The following CADPS variants were observed in gnomAD, a reference collection of about 807,000 sequenced individuals.
CADPS encodes the protein calcium-dependent secretion activator 1.
CADPS carries 57 observed loss-of-function variants against 167.3 expected under a neutral mutation model. The observed-to-expected ratio is 0.34, with a 90% CI of 0.28 to 0.42. The LOEUF (loss-of-function observed/expected upper bound fraction) is 0.42, where lower values mean the gene tolerates loss of function less well. Ranked by LOEUF, CADPS falls within the 20% of genes least tolerant of loss-of-function variation. CADPS has a pLI of 1.00. For synonymous variants in CADPS, 676 were observed against 635.3 expected, an observed-to-expected ratio of 1.06 and a Z score of -0.96; for missense variants, 1,414 against 1,738.1, an observed-to-expected ratio of 0.81 and a Z score of 3.32.
At chr3:62,582,303 G>T (rs2083581538) in intron 8 of CADPS, among the ~76,000 whole-genome samples, 1 of 152,140 alleles carries the variant, frequency 6.6e-6, no homozygotes, top group African/African-American at 2.4e-5. Context: ...AAAATTAGCT[G>T]GGTGTGGTGG....
intron 3 of CADPS, among the ~76,000 whole-genome samples, chr3:62,749,199 G>A (rs2082166015): frequency 6.6e-6 from 1 of 152,140 alleles, no homozygotes; most frequent in South Asian, 2.1e-4. Flanking sequence ...AACTCCGTGG[G>A]CAAATTCAGA....
chr3:62,833,465 G>A (rs114772841), intron 1 of CADPS, among the ~76,000 whole-genome samples: 2,770 of 151,910 alleles, frequency 0.018, 31 homozygotes, highest in Non-Finnish European at 0.028. Flanking sequence ...GAGGAGGGAG[G>A]AGGATGAAGC....
intron 1 of CADPS, among the ~76,000 whole-genome samples, chr3:62,872,155 C>T (rs1398966255): frequency 6.6e-6 from 1 of 152,102 alleles, no homozygotes; most frequent in African/African-American, 2.4e-5. Context: ...TTCTATTCTA[C>T]TGCAAACTCA....
intron 6 of CADPS, among the ~76,000 whole-genome samples, chr3:62,629,757 GTTTTTTTT>G (rs55956118): frequency 6.9e-6 from 1 of 145,678 alleles, no homozygotes; most frequent in African/African-American, 2.5e-5. Context: ...CTCTGGTACA[GTTTTTTTT>G]TTGTTTGTTT....
rs2076638434 is a variant in CADPS at position 62,678,380 on chromosome 3, G to A, written c.889-15986C>T. Among the ~76,000 whole-genome samples the A allele has an allele frequency of 2.0e-5, 3 of 152,000 alleles. No individual in the cohort carries two copies. In the South Asian group the frequency reaches 6.2e-4, roughly 31 times the overall value. On this transcript the variant is annotated intron_variant, in intron 3 of 29. Transcript: ENST00000383710. ...TTTTTCCAGTAAGGCAAAATATATT[G>A]CCCTCCTTTCTCACTAAATTCCATT...
intron 26 of CADPS, among the ~76,000 whole-genome samples, chr3:62,462,704 G>A (rs974435199): frequency 2.0e-5 from 3 of 152,156 alleles, no homozygotes; most frequent in Admixed American, 1.3e-4. Context: ...GTCCTAGGAC[G>A]CACAGCTGGT....
At chr3:62,449,924 G>T (rs1318089941) in intron 26 of CADPS, among the ~76,000 whole-genome samples, 3 of 152,056 alleles carry the variant, frequency 2.0e-5, no homozygotes, top group Non-Finnish European at 4.4e-5. Flanking sequence ...TTTTAGCTTG[G>T]TGACTAGCCA....
intron 10 of CADPS, 113 bp from the exon 11 acceptor site, chr3:62,550,228 G>A (rs550080443): frequency 2.7e-5 from 20 of 746,474 alleles, no homozygotes; most frequent in Non-Finnish European, 4.6e-5. Context: ...GAAGAGGGGG[G>A]TAGTGATTAA....
At chr3:62,669,338 C>A (rs1055528538) in intron 3 of CADPS, among the ~76,000 whole-genome samples, 1 of 152,200 alleles carries the variant, frequency 6.6e-6, no homozygotes, top group African/African-American at 2.4e-5. Context: ...CCTTCAGAGA[C>A]AAGCTGCTCC....
chr3:62,601,283 C>G lies in CADPS; in HGVS notation c.1326-8535G>C, dbSNP rs1236427913. Reference sequence around the variant, plus strand: ...TTTATTAGAACATAGTTAGCTTACTCATTTTTGTTTTGTCTATGGCTTCTT... The same window carrying G: ...TTTATTAGAACATAGTTAGCTTACTGATTTTTGTTTTGTCTATGGCTTCTT... On this transcript the variant is annotated intron_variant, in intron 6 of 29. Coordinates refer to ENST00000383710, the MANE Select transcript of CADPS (RefSeq NM_003716.4). The surrounding 1 kb of genome is among the most constrained non-coding windows in gnomAD (Gnocchi z 4.3). Among the ~76,000 whole-genome samples, 4 of 152,170 alleles carry G rather than the reference C, an allele frequency of 2.6e-5. No homozygotes were observed. The highest frequency in any genetic ancestry group is 9.7e-5 in the African/African-American group (4 of 41,446).
chr3:62,535,189 G>T (rs2152019561), intron 12 of CADPS, among the ~76,000 whole-genome samples: 2 of 150,754 alleles, frequency 1.3e-5, no homozygotes, highest in Admixed American at 1.3e-4. Flanking sequence ...ACACATTTGA[G>T]AAAAATTGCC....
intron 4 of CADPS, among the ~76,000 whole-genome samples, chr3:62,660,090 A>G (rs955363147): frequency 6.6e-6 from 1 of 152,152 alleles, no homozygotes; most frequent in Non-Finnish European, 1.5e-5. Context: ...TTGATTTACT[A>G]TTCAGAGATG....
intron 7 of CADPS, among the ~76,000 whole-genome samples, chr3:62,586,277 T>C (rs926848296): frequency 6.6e-6 from 1 of 152,174 alleles, no homozygotes; most frequent in African/African-American, 2.4e-5. Flanking sequence ...GTTTTCAAAG[T>C]ATTTATTTTC....
At chr3:62,548,485 G>C (rs1463268613) in intron 11 of CADPS, among the ~76,000 whole-genome samples, 2 of 152,208 alleles carry the variant, frequency 1.3e-5, no homozygotes, top group Non-Finnish European at 2.9e-5. Flanking sequence ...GAATTCCTGG[G>C]AGCATCTGAT....
chr3:62,532,415 C>A (rs1182970643), intron 13 of CADPS, among the ~76,000 whole-genome samples: 1 of 152,122 alleles, frequency 6.6e-6, no homozygotes, highest in Non-Finnish European at 1.5e-5. Flanking sequence ...AATTATTAAG[C>A]AATTATGAAA....
chr3:62,641,107 T>C (rs1202773384), intron 6 of CADPS, among the ~76,000 whole-genome samples: 1 of 152,200 alleles, frequency 6.6e-6, no homozygotes, highest in East Asian at 1.9e-4. Flanking sequence ...TGTTAATGTA[T>C]TTCTTTAAAA....
intron 7 of CADPS, among the ~76,000 whole-genome samples, chr3:62,590,015 C>A (rs144357968): frequency 0.013 from 2,046 of 152,010 alleles, 31 homozygotes; most frequent in Non-Finnish European, 0.019. Context: ...ATGGTAAAAC[C>A]CTGTCTCTAC....
chr3:62,667,073 C>A (rs2074580795), intron 3 of CADPS, among the ~76,000 whole-genome samples: 1 of 141,782 alleles, frequency 7.1e-6, no homozygotes, highest in African/African-American at 2.6e-5. Flanking sequence ...CTTACTGACA[C>A]AGAGTGAACA....
At chr3:62,806,104 C>T (rs911409060) in intron 1 of CADPS, among the ~76,000 whole-genome samples, 3 of 152,056 alleles carry the variant, frequency 2.0e-5, no homozygotes, top group African/African-American at 7.2e-5. Flanking sequence ...CTGTGTTCTG[C>T]CAGCTGTGTT....
Sources: gnomAD v4.1 joint callset for allele counts (sites outside exome capture counted in the v4.1 genomes callset) on GRCh38, gnomAD v4.1.1 for gene constraint, Gnocchi (gnomAD v3.1) non-coding constraint, MANE v1.5 for transcripts, NCBI Gene and HGNC (gene_info 2026-07-23, HGNC 2026-07-21) for gene names.